Variants in FN1 observed in about 807,000 individuals in gnomAD.
The protein encoded by FN1 is fibronectin.
A neutral mutation model predicts 297.3 loss-of-function variants in FN1; 106 were observed. The ratio of observed to expected loss-of-function variants is 0.36; its 90% CI spans 0.30 to 0.42. FN1 has a LOEUF of 0.42. Ranked by LOEUF, FN1 falls within the 10% of genes least tolerant of loss-of-function variation. The pLI is 1.00. For missense variants in FN1, 2,690 were observed against 3,124.9 expected (o/e 0.86, Z 3.32); for synonymous variants, 1,149 against 1,152.6 (o/e 1.00, Z 0.06).
intron 25 of FN1, chr2:215,392,540 G>C: frequency 3.3e-6 from 1 of 298,766 alleles, no homozygotes; most frequent in Non-Finnish European, 6.5e-6. Flanking sequence ...GTAGAAGGAA[G>C]ATCATGATGG....
Position 215,397,178 on chromosome 2 carries a change from G to A in FN1, c.3563C>T (p.Thr1188Ile), listed in dbSNP as rs1350920539. The stretch of plus-strand genomic sequence containing the variant: ...CTCCCAGGAGACTGTGAGCACTCCA[G>A]TGTCAGGGTTTGCCTCCAGATGCAA... Reference protein sequence around the residue: ...TNLHLEANPDTGVLTVSWERS... With the variant: ...TNLHLEANPDIGVLTVSWERS... Residue 1188 changes from threonine to isoleucine, a missense_variant, in exon 23 of 46, where the codon ACT becomes ATT. By Grantham distance (89) the Thr-to-Ile change is moderately conservative. Around this residue, in one of 3 missense-constraint regions of FN1, gnomAD observed 1,743 missense variants for 1,945.2 expected, o/e 0.90. Transcript: ENST00000354785. 3.1e-6 allele frequency: 5 copies of A among 1,614,036 alleles called. No individual in the cohort carries two copies.
At chr2:215,361,694 CG>C (rs35258787) in intron 45 of FN1, 68 bp from the exon 46 acceptor site, 2 of 1,260,222 alleles carry the variant, frequency 1.6e-6, no homozygotes, top group African/African-American at 1.5e-5. Flanking sequence ...AAAAAAAATG[CG>C]GGGAGGTGGG....
intron 27 of FN1, 78 bp downstream of exon 27, chr2:215,388,134 T>G (rs2059256871): frequency 9.7e-7 from 1 of 1,031,714 alleles, no homozygotes. Flanking sequence ...AGATGTATTT[T>G]TAGAAGTAGC....
At chr2:215,376,260 G>C (rs2106299449) in intron 36 of FN1, among the ~76,000 whole-genome samples, 1 of 152,246 alleles carries the variant, frequency 6.6e-6, no homozygotes, top group East Asian at 1.9e-4. Flanking sequence ...CACAATGATG[G>C]AAGATCAAAC....
At chr2:215,379,573 AT>A in intron 33 of FN1, 1 of 363,508 alleles carries the variant, frequency 2.8e-6, no homozygotes, top group Non-Finnish European at 5.0e-6. Context: ...ACTCTAAGAG[AT>A]TTTAGGTTTT....
At chr2:215,391,943 ATC>A (rs1481481633) in intron 25 of FN1, 129 bp from the exon 26 acceptor site, 14 of 782,710 alleles carry the variant, frequency 1.8e-5, no homozygotes, top group Non-Finnish European at 3.0e-5. Context: ...AAACAGTCTA[ATC>A]TAAGTCTATT....
At chr2:215,407,936 AT>A in intron 17 of FN1, among the ~76,000 whole-genome samples, 171 bp downstream of exon 17, 1 of 83,404 alleles carries the variant, frequency 1.2e-5, no homozygotes, top group African/African-American at 4.6e-5. Context: ...GCCATAGAAA[AT>A]AACTCCCCCA....
chr2:215,414,879 T>C lies in FN1; in HGVS notation c.1899A>G (p.Pro633=), dbSNP rs1197175096. 8 of 1,613,626 alleles carry C rather than the reference T, an allele frequency of 5.0e-6. No individual in the cohort carries two copies. In the African/African-American group the frequency reaches 1.1e-4, roughly 22 times the overall value. The stretch of plus-strand genomic sequence containing the variant: ...TGTACTTGGAAATGTGAGATGGCTG[T>C]GGTGCATTCCACTGGATGGGGTGGG... ...PNSHPIQWNA[P]QPSHISKYIL... is the part of the protein sequence containing the mutation. The change falls in exon 13 of 46, where the codon CCA becomes CCG. Residue 633 remains proline, a synonymous_variant. Coordinates refer to ENST00000354785, the MANE Select transcript of FN1 (RefSeq NM_212482.4).
chr2:215,419,982 T>C (rs1399070120), intron 11 of FN1, among the ~76,000 whole-genome samples: 1 of 152,212 alleles, frequency 6.6e-6, no homozygotes, highest in Non-Finnish European at 1.5e-5. Context: ...ACCTTAAACT[T>C]TGTAGTGCTG....
At chr2:215,374,964 C>G (rs1027288469) in intron 38 of FN1, among the ~76,000 whole-genome samples, 10 of 152,184 alleles carry the variant, frequency 6.6e-5, no homozygotes, top group Non-Finnish European at 5.9e-5. Flanking sequence ...ATCTGGCAAA[C>G]TTGCAGCGAA....
In FN1 at chr2:215,384,882, G is replaced by A. The variant is rs200457426; in HGVS notation, c.4707C>T (p.Tyr1569=). 2 of 1,611,290 alleles carry A rather than the reference G, an allele frequency of 1.2e-6. No individual in the cohort carries two copies. The highest frequency in any genetic ancestry group is 1.7e-6 in the Non-Finnish European group (2 of 1,177,486). The change falls in exon 29 of 46, where the codon TAC becomes TAT. Residue 1569 remains tyrosine, a synonymous_variant. Coordinates refer to ENST00000354785, the MANE Select transcript of FN1 (RefSeq NM_212482.4). ...TACCTGTCTCTCCGTAAGTGATCCT[G>A]TAATATCTCACTGTGACAGCAGGAG... The part of the protein sequence containing the change: ...WDAPAVTVRY[Y]RITYGETGGN...
In FN1 at chr2:215,386,713, A is replaced by C. The variant is rs1012955423; in HGVS notation, c.4588T>G (p.Leu1530Val). 15 of 1,613,802 alleles carry C rather than the reference A, an allele frequency of 9.3e-6. No homozygotes were observed. Among genetic ancestry groups the C allele is most frequent in the Admixed American group, 3.3e-5 (2 of 59,966 alleles). The change falls in exon 28 of 46, where the codon TTA (leucine) becomes GTA (valine). Residue 1530 changes from leucine to valine, a missense_variant. Transcript: ENST00000354785. Reference sequence around the variant, plus strand: ...CCTGTTGATTGTTGGCCAATCAATAAGGGACTTTCCTCTCTGCCATTAAGA... The same window carrying C: ...CCTGTTGATTGTTGGCCAATCAATACGGGACTTTCCTCTCTGCCATTAAGA... ...VALNGREESPLLIGQQSTVSD... is the reference protein window; with the variant it reads ...VALNGREESPVLIGQQSTVSD...
In FN1 at chr2:215,408,417, C is replaced by T; in HGVS notation, c.2309G>A (p.Ser770Asn). ...AGGGATGTTCACAGAAGTGGCTGTG[C>T]TTGGAAGATCTTTGAAATGAAAAGA... ...GDEPQYLDLP[S>N]TATSVNIPDL... The change falls in exon 16 of 46, where the codon AGC becomes AAC. Residue 770 changes from serine to asparagine, a missense_variant. Physicochemically the swap from Ser to Asn is conservative, Grantham distance 46. This residue lies in a region of FN1 where 876 missense variants were observed against 1,058.1 expected (regional missense o/e 0.83). Transcript: ENST00000354785. 1.2e-6 allele frequency: 2 copies of T among 1,614,056 alleles called. No homozygotes were observed. The highest frequency in any genetic ancestry group is 1.7e-6 in the Non-Finnish European group (2 of 1,179,998).
chr2:215,405,626 C>T (rs555285968), intron 19 of FN1, among the ~76,000 whole-genome samples: 10 of 152,156 alleles, frequency 6.6e-5, no homozygotes, highest in Non-Finnish European at 1.3e-4. Context: ...GCCTGTAGTC[C>T]CAGCTACTCG....
rs1260458513 is a variant in FN1, at chr2:215,407,021, A to AT, written c.2713+105dup. Reference sequence around the variant, plus strand: ...ATCAGAAGTTTAGGGAAAAACTAATATATAAGATTTCTTGAATGAGAGGAC... The same window carrying AT: ...ATCAGAAGTTTAGGGAAAAACTAATATTATAAGATTTCTTGAATGAGAGGAC... On this transcript the variant is annotated intron_variant, in intron 18 of 45. Coordinates refer to ENST00000354785, the MANE Select transcript of FN1 (RefSeq NM_212482.4). 5.7e-6 allele frequency: 5 copies of AT among 874,382 alleles called. No individual in the cohort carries two copies. In the African/African-American group the frequency reaches 8.3e-5, roughly 15 times the overall value. The allele number at this position is 874,382 out of a possible 1,614,324, so 54.2% of individuals were successfully genotyped here.
intron 26 of FN1, among the ~76,000 whole-genome samples, chr2:215,389,356 G>A (rs1462699156): frequency 6.6e-6 from 1 of 152,026 alleles, no homozygotes; most frequent in East Asian, 1.9e-4. Context: ...ACCCGCCTTG[G>A]CCTCTCAAAG....
intron 13 of FN1, among the ~76,000 whole-genome samples, chr2:215,414,037 G>T (rs776635630): frequency 1.3e-5 from 2 of 152,112 alleles, no homozygotes; most frequent in Non-Finnish European, 2.9e-5. Flanking sequence ...AAATTTAACC[G>T]CCTGGGTTGG....
intron 13 of FN1, among the ~76,000 whole-genome samples, chr2:215,412,191 CTTT>C (rs11315848): frequency 6.9e-6 from 1 of 144,590 alleles, no homozygotes; most frequent in African/African-American, 2.5e-5. Context: ...AATGACTTTT[CTTT>C]TTTTTTTTTT....
intron 13 of FN1, 51 bp from the exon 14 acceptor site, chr2:215,410,165 A>T: frequency 1.3e-6 from 2 of 1,520,234 alleles, no homozygotes; most frequent in Admixed American, 1.9e-5. Context: ...GTTTACAAGG[A>T]TGAACATTTG....
Sources: allele counts gnomAD v4.1 joint callset (sites outside exome capture counted in the v4.1 genomes callset), GRCh38; gene constraint gnomAD v4.1.1; regional missense constraint gnomAD v4.1.1; transcripts MANE v1.5; gene names NCBI Gene and HGNC (gene_info 2026-07-23, HGNC 2026-07-21).